Variants in COL23A1 observed in about 807,000 individuals in gnomAD.
The protein encoded by COL23A1 is collagen type XXIII alpha 1 chain, also known as collagen alpha-1(XXIII) chain.
In COL23A1, 97 loss-of-function variants were observed where a neutral mutation model predicts 99.3. That is an observed-to-expected ratio of 0.98 (90% CI 0.83 to 1.16). The LOEUF is 1.16. COL23A1 is among the 50% of genes most tolerant of loss of function. COL23A1 has a pLI of 0.00. For synonymous variants in COL23A1, 320 were observed against 308.2 expected, an observed-to-expected ratio of 1.04 and a Z score of -0.40; for missense variants, 762 against 757.4, an observed-to-expected ratio of 1.01 and a Z score of -0.07.
chr5:178,444,389 ACTT>A (rs1357538245), intron 2 of COL23A1, among the ~76,000 whole-genome samples: 2 of 151,918 alleles, frequency 1.3e-5, no homozygotes. Flanking sequence ...TCCTCCTAAA[ACTT>A]CTACTTTGGA....
At chr5:178,264,331 T>C (rs999476186) in intron 8 of COL23A1, among the ~76,000 whole-genome samples, 4 of 115,550 alleles carry the variant, frequency 3.5e-5, no homozygotes, top group Admixed American at 2.5e-4. Context: ...TATCTCAAAA[T>C]AAAAGTAAAA....
intron 2 of COL23A1, among the ~76,000 whole-genome samples, chr5:178,488,115 G>A (rs1757733304): frequency 1.3e-5 from 2 of 152,190 alleles, no homozygotes; most frequent in South Asian, 4.1e-4. Flanking sequence ...GGAGCACTCC[G>A]GGGAGCTATT....
intron 2 of COL23A1, among the ~76,000 whole-genome samples, chr5:178,388,355 G>A (rs1232783019): frequency 6.6e-6 from 1 of 152,216 alleles, no homozygotes; most frequent in Non-Finnish European, 1.5e-5. Flanking sequence ...TCTTCTCAAA[G>A]GTGAAGAAAG....
At chr5:178,379,813 G>A (rs981040303) in intron 2 of COL23A1, among the ~76,000 whole-genome samples, 9 of 151,840 alleles carry the variant, frequency 5.9e-5, no homozygotes, top group African/African-American at 1.4e-4. Context: ...CCCAGGAGGC[G>A]GAGGTTGCGG....
At chr5:178,285,170 C>T (rs1265448455) in intron 5 of COL23A1, among the ~76,000 whole-genome samples, 1 of 152,158 alleles carries the variant, frequency 6.6e-6, no homozygotes, top group East Asian at 1.9e-4. Flanking sequence ...GGCCCCTATG[C>T]CCCGTGTCCT....
At chr5:178,400,594 T>C (rs1408745606) in intron 2 of COL23A1, among the ~76,000 whole-genome samples, 1 of 152,032 alleles carries the variant, frequency 6.6e-6, no homozygotes. Context: ...TACAATTCAA[T>C]GACATTAAGT....
At chr5:178,327,668 G>A (rs758773863) in intron 2 of COL23A1, among the ~76,000 whole-genome samples, 2 of 152,156 alleles carry the variant, frequency 1.3e-5, no homozygotes, top group African/African-American at 4.8e-5. Context: ...GCTGGAGTCT[G>A]AACACTGGCA....
intron 27 of COL23A1, 39 bp downstream of exon 27, chr5:178,242,003 C>T (rs527451166): frequency 6.7e-7 from 1 of 1,501,128 alleles, no homozygotes; most frequent in Non-Finnish European, 9.1e-7. Context: ...TGGCTGGAGG[C>T]CAAAAAGACC....
At chr5:178,321,588 C>CA (rs1462412024) in intron 2 of COL23A1, among the ~76,000 whole-genome samples, 4 of 144,786 alleles carry the variant, frequency 2.8e-5, no homozygotes, top group Non-Finnish European at 6.0e-5. Flanking sequence ...CTCCCAGGTT[C>CA]ACGCCATTCT....
At chr5:178,242,243 C>T (rs1366976919) in intron 26 of COL23A1, 98 bp downstream of exon 26, 26 of 1,485,990 alleles carry the variant, frequency 1.7e-5, no homozygotes, top group East Asian at 2.4e-5. Context: ...CCCACCTGCC[C>T]GGCCTGGGTT....
intron 2 of COL23A1, among the ~76,000 whole-genome samples, chr5:178,425,581 T>C (rs17081220): frequency 0.066 from 10,045 of 151,990 alleles, 1,031 homozygotes; most frequent in East Asian, 0.49. Flanking sequence ...TTGAGATGTA[T>C]GGAAATCAAA....
At chr5:178,532,167 A>G (rs1325154720) in intron 2 of COL23A1, among the ~76,000 whole-genome samples, 1 of 152,226 alleles carries the variant, frequency 6.6e-6, no homozygotes, top group Admixed American at 6.5e-5. Flanking sequence ...CGAAAAGCTG[A>G]GCCTCCAACT....
chr5:178,247,681 G>A lies in COL23A1; in HGVS notation c.1269+94C>T, dbSNP rs905061877. On this transcript the variant is annotated intron_variant, in intron 21 of 28. Coordinates refer to ENST00000390654, the MANE Select transcript of COL23A1 (RefSeq NM_173465.4). ...TGCCCCTCCCTGAACGAAGAAGCCC[G>A]CTCTCTCCTGGGTCATGGCTCTGGG... 32 of 1,542,086 alleles carry A rather than the reference G, an allele frequency of 2.1e-5. No homozygotes were observed. The East Asian group carries it at 2.9e-4, about 14-fold the overall frequency.
At chr5:178,449,074 G>A (rs1286609524) in intron 2 of COL23A1, among the ~76,000 whole-genome samples, 2 of 152,096 alleles carry the variant, frequency 1.3e-5, no homozygotes, top group African/African-American at 2.4e-5. Flanking sequence ...AGAGTTCACT[G>A]CAGCCTCCAA....
At chr5:178,552,377 C>T (rs1023904800) in intron 2 of COL23A1, among the ~76,000 whole-genome samples, 1 of 152,056 alleles carries the variant, frequency 6.6e-6, no homozygotes, top group African/African-American at 2.4e-5. Flanking sequence ...TATTCTCGTG[C>T]CCCCCAAAAA....
At chr5:178,279,081 T>C (rs2127574257) in intron 5 of COL23A1, among the ~76,000 whole-genome samples, 1 of 152,326 alleles carries the variant, frequency 6.6e-6, no homozygotes, top group African/African-American at 2.4e-5. Flanking sequence ...CCCAAAGCTT[T>C]GCTCGAGCCC....
chr5:178,408,642 A>C (rs1296451977), intron 2 of COL23A1, among the ~76,000 whole-genome samples: 9 of 152,190 alleles, frequency 5.9e-5, no homozygotes, highest in Non-Finnish European at 8.8e-5. Context: ...AAAAAACCCC[A>C]AAAAACAAAA....
At chr5:178,569,440 G>T (rs533333367) in intron 1 of COL23A1, among the ~76,000 whole-genome samples, 1 of 152,302 alleles carries the variant, frequency 6.6e-6, no homozygotes, top group African/African-American at 2.4e-5. Flanking sequence ...TTTCGTGCTG[G>T]TCTTCACATT....
At chr5:178,460,667 G>T (rs920246949) in intron 2 of COL23A1, among the ~76,000 whole-genome samples, 1 of 152,184 alleles carries the variant, frequency 6.6e-6, no homozygotes, top group African/African-American at 2.4e-5. Context: ...ACCCTAGCTG[G>T]CTGCCTTTTG....
Sources: allele counts gnomAD v4.1 joint callset (sites outside exome capture counted in the v4.1 genomes callset), GRCh38; gene constraint gnomAD v4.1.1; transcripts MANE v1.5; gene names NCBI Gene and HGNC (gene_info 2026-07-23, HGNC 2026-07-21).